Variants in MYT1L observed in about 807,000 individuals in gnomAD.
MYT1L encodes myelin transcription factor 1 like, also known as myelin transcription factor 1-like protein.
MYT1L carries 12 observed loss-of-function variants against 126.7 expected under a neutral mutation model. The ratio of observed to expected loss-of-function variants is 0.09; its 90% CI spans 0.06 to 0.15. The LOEUF is 0.15. Among genes scored for constraint, MYT1L ranks in the 10% least tolerant of loss-of-function variants. The pLI is 1.00. For missense variants in MYT1L, 979 were observed against 1,585.2 expected, an observed-to-expected ratio of 0.62 and a Z score of 6.49; for synonymous variants, 541 against 604.2, an observed-to-expected ratio of 0.90 and a Z score of 1.53.
intron 3 of MYT1L, among the ~76,000 whole-genome samples, chr2:2,122,930 T>C (rs542322788): frequency 6.7e-6 from 1 of 150,272 alleles, no homozygotes; most frequent in South Asian, 2.1e-4. Context: ...CACACAGGGA[T>C]TTCTATGGGG....
At chr2:1,945,398 G>T (rs1191902614) in intron 8 of MYT1L, among the ~76,000 whole-genome samples, 1 of 152,148 alleles carries the variant, frequency 6.6e-6, no homozygotes, top group Non-Finnish European at 1.5e-5. Flanking sequence ...AGGGTGCCCA[G>T]ATCATGAGAC....
Position 2,171,628 on chromosome 2 carries a change from T to C in MYT1L, c.-304+1244A>G, listed in dbSNP as rs73913238. Among the ~76,000 whole-genome samples the C allele has an allele frequency of 9.0e-3, 1,364 of 152,128 alleles. 21 individuals carry two copies. The highest frequency in any genetic ancestry group is 0.027 in the African/African-American group (1,133 of 41,506). On this transcript the variant is annotated intron_variant, in intron 3 of 24. Transcript: ENST00000647738. Reference sequence around the variant, plus strand: ...GTTTTTTTCTTTTTGTCGTCGTCGTTGTTGTTGTTGTTGTTTTAACCTCGG... The same window carrying C: ...GTTTTTTTCTTTTTGTCGTCGTCGTCGTTGTTGTTGTTGTTTTAACCTCGG...
chr2:2,048,847 T>C (rs1157152802), intron 4 of MYT1L, among the ~76,000 whole-genome samples: 1 of 152,188 alleles, frequency 6.6e-6, no homozygotes, highest in Non-Finnish European at 1.5e-5. Context: ...CACTCCGGAA[T>C]AGGAGGACAG....
chr2:2,164,092 T>C (rs767845940), intron 3 of MYT1L, among the ~76,000 whole-genome samples: 21 of 152,188 alleles, frequency 1.4e-4, no homozygotes, highest in African/African-American at 4.8e-4. Context: ...AGAAATAGTG[T>C]ACGTAATTTA....
chr2:2,318,799 C>A (rs1331035262), intron 1 of MYT1L, among the ~76,000 whole-genome samples: 2 of 152,118 alleles, frequency 1.3e-5, no homozygotes, highest in Non-Finnish European at 2.9e-5. Flanking sequence ...ATCAACCAAC[C>A]CTTCTCACTT....
At chr2:2,276,571 G>T (rs998395466) in intron 2 of MYT1L, among the ~76,000 whole-genome samples, 8 of 152,088 alleles carry the variant, frequency 5.3e-5, no homozygotes, top group African/African-American at 1.9e-4. Context: ...ACTTCACCTT[G>T]GTCCTCCTGA....
At chr2:1,880,895 T>C (rs1273894159) in intron 18 of MYT1L, among the ~76,000 whole-genome samples, 2 of 152,242 alleles carry the variant, frequency 1.3e-5, no homozygotes, top group African/African-American at 2.4e-5. Context: ...ATTTTCTTCA[T>C]CAAAACCAAG....
intron 3 of MYT1L, among the ~76,000 whole-genome samples, chr2:2,168,569 T>G (rs999581482): frequency 9.2e-5 from 14 of 152,292 alleles, no homozygotes; most frequent in African/African-American, 3.1e-4. Flanking sequence ...TGGGTGTCTC[T>G]ACACAATAGA....
chr2:2,252,278 TC>T (rs764386596), intron 2 of MYT1L, among the ~76,000 whole-genome samples: 5 of 152,126 alleles, frequency 3.3e-5, no homozygotes, highest in Non-Finnish European at 5.9e-5. Flanking sequence ...ACTTTAAAAT[TC>T]CCCCTGAATA....
rs1239850343 is a variant in MYT1L, at chr2:2,228,884, T to C, written c.-421+55520A>G. Among the ~76,000 whole-genome samples the C allele has an allele frequency of 6.6e-6, 1 of 152,134 alleles. No homozygotes were observed. The highest frequency in any genetic ancestry group is 2.4e-5 in the African/African-American group (1 of 41,426). ...AATATTAGCACATATTAACAATCTTTTTAAAAAATACAGGACAAGGGCAAG... is the reference window on the plus strand; with the variant it reads ...AATATTAGCACATATTAACAATCTTCTTAAAAAATACAGGACAAGGGCAAG... On this transcript the variant is annotated intron_variant, in intron 2 of 24. Transcript: ENST00000647738. The surrounding 1 kb of genome is among the most constrained non-coding windows in gnomAD (Gnocchi z 5.9).
At chr2:2,316,806 TTTTA>T (rs1474597609) in intron 1 of MYT1L, among the ~76,000 whole-genome samples, 4 of 152,256 alleles carry the variant, frequency 2.6e-5, no homozygotes, top group South Asian at 2.1e-4. Context: ...TTTTCTTTCC[TTTTA>T]TTTATTTATT....
chr2:1,801,999 C>T lies in MYT1L; in HGVS notation c.3173-200G>A. ...ACCGCCCCTTCCCCACCTAAGTTCC[C>T]CTACAAAAAGGAACAAACAATTGAG... On this transcript the variant is annotated intron_variant, in intron 22 of 24. Coordinates refer to ENST00000647738, the MANE Select transcript of MYT1L (RefSeq NM_001303052.2). This position sits in a 1 kb window ranked among gnomAD's most constrained non-coding sequence, Gnocchi z 4.2. The T allele has an allele frequency of 4.0e-6, 2 of 504,374 alleles. No homozygotes were observed. Among genetic ancestry groups the T allele is most frequent in the South Asian group, 2.6e-5 (1 of 38,920 alleles). The allele number at this position is 504,374 out of a possible 1,614,324, so 31.2% of individuals were successfully genotyped here.
intron 1 of MYT1L, among the ~76,000 whole-genome samples, chr2:2,316,482 G>C (rs537361890): frequency 6.6e-6 from 1 of 152,150 alleles, no homozygotes; most frequent in African/African-American, 2.4e-5. Context: ...AAGCCAATGG[G>C]GCTATTTCCT....
chr2:2,098,005 C>T (rs1222574109), intron 3 of MYT1L, among the ~76,000 whole-genome samples: 1 of 152,164 alleles, frequency 6.6e-6, no homozygotes, highest in East Asian at 1.9e-4. Flanking sequence ...CCACTCTTGC[C>T]ATATAGAAAT....
At chr2:2,157,277 G>A (rs1356836108) in intron 3 of MYT1L, among the ~76,000 whole-genome samples, 2 of 152,068 alleles carry the variant, frequency 1.3e-5, no homozygotes, top group African/African-American at 4.8e-5. Flanking sequence ...ATAGATATAA[G>A]GCATTATTAT....
chr2:2,180,307 G>A (rs1031477540), intron 2 of MYT1L, among the ~76,000 whole-genome samples: 1 of 150,968 alleles, frequency 6.6e-6, no homozygotes, highest in South Asian at 2.1e-4. Flanking sequence ...ATAGTCCTTA[G>A]CACATAATAT....
At chr2:1,850,173 TC>T (rs1174428044) in intron 19 of MYT1L, among the ~76,000 whole-genome samples, 11 of 25,754 alleles carry the variant, frequency 4.3e-4, no homozygotes, top group Middle Eastern at 0.029. Context: ...TCCCTTCCCC[TC>T]CCCCTCCCCC....
rs77325210 is a variant in MYT1L, at chr2:2,027,902, T to C, written c.-158+26076A>G. Among the ~76,000 whole-genome samples the C allele has an allele frequency of 3.4e-3, 516 of 152,366 alleles. 5 individuals are homozygous for C. Among genetic ancestry groups the C allele is most frequent in the African/African-American group, 0.012 (502 of 41,590 alleles). ...TATACATGGCAGCTAAGGTGATTTT[T>C]ACTTTAGAGCTCAGGAGCCATAAGC... On this transcript the variant is annotated intron_variant, in intron 4 of 24. Transcript: ENST00000647738.
intron 3 of MYT1L, among the ~76,000 whole-genome samples, chr2:2,099,379 A>T (rs1226506244): frequency 6.6e-6 from 1 of 151,622 alleles, no homozygotes; most frequent in African/African-American, 2.4e-5. Flanking sequence ...AAATGGGCTG[A>T]TAGAAAATTA....
Sources: allele counts gnomAD v4.1 joint callset (sites outside exome capture counted in the v4.1 genomes callset), GRCh38; gene constraint gnomAD v4.1.1; non-coding constraint Gnocchi (gnomAD v3.1); transcripts MANE v1.5; gene names NCBI Gene and HGNC (gene_info 2026-07-23, HGNC 2026-07-21).